The following ADGRB2 variants were observed in gnomAD, a reference collection of about 807,000 sequenced individuals.
ADGRB2 encodes the protein adhesion G protein-coupled receptor B2.
Under a neutral mutation model 178.7 loss-of-function variants are expected in ADGRB2, and 47 were observed. The ratio of observed to expected loss-of-function variants is 0.26; its 90% CI spans 0.21 to 0.34. The LOEUF (loss-of-function observed/expected upper bound fraction) is 0.34. Ranked by LOEUF, ADGRB2 falls within the 10% of genes least tolerant of loss-of-function variation. The pLI is 1.00. For synonymous variants in ADGRB2, 870 were observed against 912.4 expected (o/e 0.95, Z 0.84); for missense variants, 1,584 against 2,180.8 (o/e 0.73, Z 5.45).
At position 31,736,398 on chromosome 1, in the gene ADGRB2, A is replaced by C. The variant is rs1645608555; in HGVS notation, c.3131-8T>G. 1 of 1,613,750 alleles carries C rather than the reference A, an allele frequency of 6.2e-7. No individual in the cohort carries two copies. Among genetic ancestry groups the C allele is most frequent in the Non-Finnish European group, 8.5e-7 (1 of 1,179,896 alleles). The stretch of plus-strand genomic sequence containing the variant: ...CCACCAGGGCAGGCAGACCTGGGGG[A>C]GCAGGGGTGCCAGAGTGAGATGGTT... On this transcript the variant is annotated splice_polypyrimidine_tract_variant and splice_region_variant and intron_variant, in intron 21 of 32. Coordinates refer to ENST00000373658, the MANE Select transcript of ADGRB2 (RefSeq NM_001364857.2).
At position 31,733,403 on chromosome 1, in the gene ADGRB2, C is replaced by T. The variant is rs114940035; in HGVS notation, c.3453-260G>A. Among the ~76,000 whole-genome samples, 3,062 of 152,184 alleles carry T rather than the reference C, an allele frequency of 0.02. 50 individuals carry two copies. Among genetic ancestry groups the T allele is most frequent in the Non-Finnish European group, 0.033 (2,233 of 67,998 alleles). The stretch of plus-strand genomic sequence containing the variant: ...GAAGGACACGCAGACACAGTGGGAC[C>T]GAGCCACAGACAGTGGAAAGGGACG... On this transcript the variant is annotated intron_variant, in intron 25 of 32. Transcript: ENST00000373658. The surrounding 1 kb of genome is among the most constrained non-coding windows in gnomAD (Gnocchi z 4.3).
rs1000245649 is a variant in ADGRB2 at position 31,730,894 on chromosome 1, G to A, written c.4286C>T (p.Thr1429Ile). The A allele has an allele frequency of 1.9e-6, 3 of 1,577,952 alleles. No individual in the cohort carries two copies. The highest frequency in any genetic ancestry group is 2.6e-6 in the Non-Finnish European group (3 of 1,161,468). ...CTCGGGCACTTGGCGGGCGCTGGGT[G>A]TCGGCGGTGGCGGTTGGAAGGTCAT... ...YGMTFQPPPP[T>I]PSARQVPEPG... Residue 1429 changes from threonine (T) to isoleucine (I), a missense_variant, in exon 29 of 33, where the codon ACA (threonine) becomes ATA (isoleucine). This residue lies in a region of ADGRB2 where 865 missense variants were observed against 1,192.8 expected (regional missense o/e 0.73). Transcript: ENST00000373658.
rs987176442 is a variant in ADGRB2 at position 31,741,112 on chromosome 1, A to G, written c.1794+261T>C. On this transcript the variant is annotated intron_variant, in intron 11 of 32. Coordinates refer to ENST00000373658, the MANE Select transcript of ADGRB2 (RefSeq NM_001364857.2). This position sits in a 1 kb window ranked among gnomAD's most constrained non-coding sequence, Gnocchi z 6.5. ...GGCCCCAGTCTAGCAGCACACACAG[A>G]CACTTGGATGAGCACCTAATGACTG... Among the ~76,000 whole-genome samples the G allele has an allele frequency of 3.3e-5, 5 of 152,172 alleles. No homozygotes were observed. Among genetic ancestry groups the G allele is most frequent in the Non-Finnish European group, 7.3e-5 (5 of 68,030 alleles).
rs1455589221 is a variant in ADGRB2, at chr1:31,754,226, T to C, written c.838+1773A>G. ...CCCCAGCTACCAACCAACTCCTGCT[T>C]CCGGCTTCAACCAAGCCCAGCTGGC... On this transcript the variant is annotated intron_variant, in intron 4 of 32. Transcript: ENST00000373658. This position sits in a 1 kb window ranked among gnomAD's most constrained non-coding sequence, Gnocchi z 5.7. Among the ~76,000 whole-genome samples, 1 of 152,230 alleles carries C rather than the reference T, an allele frequency of 6.6e-6. No individual in the cohort carries two copies. The highest frequency in any genetic ancestry group is 2.4e-5 in the African/African-American group (1 of 41,462).
intron 26 of ADGRB2, among the ~76,000 whole-genome samples, 168 bp from the exon 27 acceptor site, chr1:31,732,780 C>T (rs2148896534): frequency 1.3e-5 from 2 of 152,346 alleles, no homozygotes; most frequent in South Asian, 4.1e-4. Flanking sequence ...GGAGGAGACC[C>T]AGGAGGCCAA....
At chr1:31,742,281 A>G in intron 7 of ADGRB2, 64 bp from the exon 8 acceptor site, 1 of 1,533,276 alleles carries the variant, frequency 6.5e-7, no homozygotes, top group Non-Finnish European at 8.8e-7. Context: ...GGTGGTGTGG[A>G]GAACCACAGG....
Position 31,741,290 on chromosome 1 carries a change from C to T in ADGRB2, c.1794+83G>A, listed in dbSNP as rs1017544202. ...CAGCATATGCCAAGGCACGTGGGAA[C>T]GAGCGAGAATCACGCTCCCTCCACC... On this transcript the variant is annotated intron_variant, in intron 11 of 32. Coordinates refer to ENST00000373658, the MANE Select transcript of ADGRB2 (RefSeq NM_001364857.2). The surrounding 1 kb of genome is among the most constrained non-coding windows in gnomAD (Gnocchi z 6.5). The T allele has an allele frequency of 4.3e-6, 6 of 1,386,478 alleles. No individual in the cohort carries two copies. The highest frequency in any genetic ancestry group is 1.4e-5 in the African/African-American group (1 of 69,700). 85.9% of individuals were successfully genotyped at this position (1,386,478 alleles called of 1,614,324 possible).
In ADGRB2 at chr1:31,756,778, A is replaced by G; in HGVS notation, c.59T>C (p.Leu20Ser). The G allele has an allele frequency of 6.6e-7, 1 of 1,512,264 alleles. No individual in the cohort carries two copies. The highest frequency in any genetic ancestry group is 8.9e-7 in the Non-Finnish European group (1 of 1,127,416). The allele number at this position is 1,512,264 out of a possible 1,614,324, so 93.7% of individuals were successfully genotyped here. A position where few individuals can be genotyped will look rare whatever the true frequency, so the allele number is the denominator to read the frequency against. ...GHRMTPACPL[L>S]LSVILSLRLA... ...GCGCAGGGACAGAATCACAGACAGT[A>G]AGAGGGGACAGGCTGGGGTCATCCT... The change falls in exon 4 of 33, where the codon TTA becomes TCA. Residue 20 changes from leucine (L) to serine (S), a missense_variant. Transcript: ENST00000373658. The surrounding 1 kb of genome is among the most constrained non-coding windows in gnomAD (Gnocchi z 8.5).
Position 31,727,936 on chromosome 1 carries a change from A to AGGCTGGGGTT in ADGRB2, c.4572+79_4572+88dup. On this transcript the variant is annotated intron_variant, in intron 32 of 32. Transcript: ENST00000373658. This position sits in a 1 kb window ranked among gnomAD's most constrained non-coding sequence, Gnocchi z 4.4. ...CCGTGGGGGAGGCCCTTGGTGAGAC[A>AGGCTGGGGTT]GGCTGGGGTTGCCTGGGAGGGGCAG... The AGGCTGGGGTT allele has an allele frequency of 6.9e-7, 1 of 1,450,744 alleles. No individual in the cohort carries two copies. The highest frequency in any genetic ancestry group is 9.2e-7 in the Non-Finnish European group (1 of 1,090,188). The allele number at this position is 1,450,744 out of a possible 1,614,324, so 89.9% of individuals were successfully genotyped here. A position where few individuals can be genotyped will look rare whatever the true frequency, so the allele number is the denominator to read the frequency against.
In ADGRB2 at chr1:31,728,239, G is replaced by C; in HGVS notation, c.4458C>G (p.His1486Gln). ...AAGTGTGGAACTTCTGGTTGAGCTC[G>C]TGGTAGAGTTCTGAATGCCGTTTCC... ...HTRKRHSELY[H>Q]ELNQKFHTFD... The change falls in exon 31 of 33, where the codon CAC becomes CAG. Residue 1486 changes from histidine to glutamine, a missense_variant. By Grantham distance (24) the His-to-Gln change is conservative. This residue lies in a region of ADGRB2 where 865 missense variants were observed against 1,192.8 expected (regional missense o/e 0.73). Transcript: ENST00000373658. The surrounding 1 kb of genome is among the most constrained non-coding windows in gnomAD (Gnocchi z 6.7). 6.2e-7 allele frequency: 1 copy of C among 1,614,146 alleles called. No individual in the cohort carries two copies. Among genetic ancestry groups the C allele is most frequent in the Non-Finnish European group, 8.5e-7 (1 of 1,180,024 alleles).
chr1:31,749,820 G>A (rs1646468858), intron 4 of ADGRB2, among the ~76,000 whole-genome samples: 1 of 152,160 alleles, frequency 6.6e-6, no homozygotes, highest in African/African-American at 2.4e-5. Flanking sequence ...GGGAAGCTGA[G>A]GTGGGAGGAT....
chr1:31,732,050 G>T, intron 28 of ADGRB2, 65 bp downstream of exon 28: 1 of 1,601,332 alleles, frequency 6.2e-7, no homozygotes, highest in Non-Finnish European at 8.5e-7. Context: ...CCCATGATGG[G>T]GCTCAAGGCC....
chr1:31,764,147 C>G lies in ADGRB2; in HGVS notation c.-454G>C. 4.7e-6 allele frequency: 3 copies of G among 641,760 alleles called. No individual in the cohort carries two copies. Among genetic ancestry groups the G allele is most frequent in the South Asian group, 6.6e-5 (1 of 15,170 alleles). 39.8% of individuals were successfully genotyped at this position (641,760 alleles called of 1,614,324 possible). Reference sequence around the variant, plus strand: ...CGCCGCCTCCTTGCCGCGCCGCCCCCCGCTCCCCCGCTCCCCCGCCCCGAG... The same window carrying G: ...CGCCGCCTCCTTGCCGCGCCGCCCCGCGCTCCCCCGCTCCCCCGCCCCGAG... On this transcript the variant is annotated 5_prime_UTR_variant, in exon 1 of 33. Coordinates refer to ENST00000373658, the MANE Select transcript of ADGRB2 (RefSeq NM_001364857.2). This position sits in a 1 kb window ranked among gnomAD's most constrained non-coding sequence, Gnocchi z 7.3.
Position 31,763,912 on chromosome 1 carries a change from G to A in ADGRB2, c.-219C>T, listed in dbSNP as rs1309921887. 4 of 985,550 alleles carry A rather than the reference G, an allele frequency of 4.1e-6. No homozygotes were observed. Among genetic ancestry groups the A allele is most frequent in the African/African-American group, 3.5e-5 (2 of 57,208 alleles). 61.1% of individuals were successfully genotyped at this position (985,550 alleles called of 1,614,324 possible). A position where few individuals can be genotyped will look rare whatever the true frequency, so the allele number is the denominator to read the frequency against. ...GGCGCCGTCAGCAGCAGGAGCGGGG[G>A]CCGGCGCTGGCGGGGGCGGCCACGG... On this transcript the variant is annotated 5_prime_UTR_variant, in exon 1 of 33. Transcript: ENST00000373658.
Position 31,751,030 on chromosome 1 carries a change from C to A in ADGRB2, c.838+4969G>T, listed in dbSNP as rs533118354. The stretch of plus-strand genomic sequence containing the variant: ...GACTCAGCCTGCTTCCCCCAAGACG[C>A]CCAGTTTCTTGCTGCCATAAAGCCC... On this transcript the variant is annotated intron_variant, in intron 4 of 32. Transcript: ENST00000373658. Among the ~76,000 whole-genome samples the A allele has an allele frequency of 2.6e-5, 4 of 152,274 alleles. No individual in the cohort carries two copies. In the East Asian group the frequency reaches 7.7e-4, roughly 29 times the overall value.
chr1:31,730,671 G>T (rs1463371294), intron 29 of ADGRB2, 129 bp downstream of exon 29: 2 of 1,237,966 alleles, frequency 1.6e-6, no homozygotes, highest in Admixed American at 5.7e-5. Flanking sequence ...ACAGAGAAAT[G>T]CTCAGTGTAT....
Position 31,744,663 on chromosome 1 carries a change from A to G in ADGRB2, c.907T>C (p.Tyr303His). ...CCCGAGTTACCTGTCTGCGCCATGT[A>G]TAGCCCAGGCTCATCTGCAGACCTC... ...WPRSADEPGL[Y>H]MAQTGDPAAE... Residue 303 changes from tyrosine to histidine, a missense_variant, in exon 5 of 33, where the codon TAC (tyrosine) becomes CAC (histidine). Around this residue, in one of 3 missense-constraint regions of ADGRB2, gnomAD observed 657 missense variants for 847.6 expected, o/e 0.78. Coordinates refer to ENST00000373658, the MANE Select transcript of ADGRB2 (RefSeq NM_001364857.2). The surrounding 1 kb of genome is among the most constrained non-coding windows in gnomAD (Gnocchi z 6.7). 1 of 1,614,202 alleles carries G rather than the reference A, an allele frequency of 6.2e-7. No homozygotes were observed. The highest frequency in any genetic ancestry group is 8.5e-7 in the Non-Finnish European group (1 of 1,180,026).
rs751925666 is a variant in ADGRB2 at position 31,756,366 on chromosome 1, G to A, written c.471C>T (p.Phe157=). 9.3e-6 allele frequency: 15 copies of A among 1,613,002 alleles called. No individual in the cohort carries two copies. The highest frequency in any genetic ancestry group is 2.2e-5 in the South Asian group (2 of 91,090). Reference sequence around the variant, plus strand: ...GCTCAGCCGACAGGCACAGCTGCACGAAGTTCTTGTCGAAGTGCAGGAAGG... The same window carrying A: ...GCTCAGCCGACAGGCACAGCTGCACAAAGTTCTTGTCGAAGTGCAGGAAGG... The part of the protein sequence containing the change: ...PFTFLHFDKN[F]VQLCLSAEPS... Residue 157 remains phenylalanine, a synonymous_variant, in exon 4 of 33, where the codon TTC becomes TTT. Coordinates refer to ENST00000373658, the MANE Select transcript of ADGRB2 (RefSeq NM_001364857.2). This position sits in a 1 kb window ranked among gnomAD's most constrained non-coding sequence, Gnocchi z 8.5.
At chr1:31,747,911 C>T (rs1646359260) in intron 4 of ADGRB2, among the ~76,000 whole-genome samples, 1 of 152,220 alleles carries the variant, frequency 6.6e-6, no homozygotes, top group South Asian at 2.1e-4. Flanking sequence ...GGCTCAAAGA[C>T]AGAGCTCCTG....
Sources: allele counts gnomAD v4.1 joint callset (sites outside exome capture counted in the v4.1 genomes callset), GRCh38; gene constraint gnomAD v4.1.1; regional missense constraint gnomAD v4.1.1; non-coding constraint Gnocchi (gnomAD v3.1); transcripts MANE v1.5; gene names NCBI Gene and HGNC (gene_info 2026-07-23, HGNC 2026-07-21).